Variants in DPYD observed in about 807,000 individuals in gnomAD.
DPYD encodes dihydropyrimidine dehydrogenase.
Under a neutral mutation model 116.2 loss-of-function variants are expected in DPYD, and 109 were observed. The observed-to-expected ratio is 0.94, with a 90% confidence interval of 0.80 to 1.10. The LOEUF (loss-of-function observed/expected upper bound fraction) is 1.10, where lower values mean the gene tolerates loss of function less well. Ranked by LOEUF, DPYD falls within the 50% of genes least tolerant of loss-of-function variation. The pLI, the probability that DPYD is intolerant of heterozygous loss-of-function variation, is 0.00. For missense variants in DPYD, 1,302 were observed against 1,254.5 expected, an observed-to-expected ratio of 1.04 and a Z score of -0.57; for synonymous variants, 440 against 432.0, an observed-to-expected ratio of 1.02 and a Z score of -0.23.
intron 8 of DPYD, among the ~76,000 whole-genome samples, chr1:97,647,162 T>G (rs1658309548): frequency 6.6e-6 from 1 of 152,124 alleles, no homozygotes; most frequent in Non-Finnish European, 1.5e-5. Flanking sequence ...ATGCATTTTT[T>G]GATATGGCTG....
chr1:97,143,967 G>C (rs1338115855), intron 20 of DPYD, among the ~76,000 whole-genome samples: 1 of 152,112 alleles, frequency 6.6e-6, no homozygotes, highest in Non-Finnish European at 1.5e-5. Context: ...CCCAGTTACA[G>C]ACCTTCCGAA....
chr1:97,716,528 C>G (rs902670875), intron 5 of DPYD, among the ~76,000 whole-genome samples: 1 of 152,020 alleles, frequency 6.6e-6, no homozygotes, highest in Non-Finnish European at 1.5e-5. Flanking sequence ...TATTACAAAT[C>G]AGTGTGGAAA....
intron 14 of DPYD, among the ~76,000 whole-genome samples, chr1:97,411,494 A>G (rs1673990163): frequency 6.6e-6 from 1 of 152,040 alleles, no homozygotes; most frequent in South Asian, 2.1e-4. Context: ...TCCTGCTAAC[A>G]ATGAGCACCC....
At chr1:97,225,102 G>A (rs576699093) in intron 19 of DPYD, among the ~76,000 whole-genome samples, 1 of 150,950 alleles carries the variant, frequency 6.6e-6, no homozygotes, top group East Asian at 1.9e-4. Flanking sequence ...ATTTCCTTTG[G>A]GGATTTACCC....
chr1:97,419,170 A>G (rs537380982), intron 14 of DPYD, among the ~76,000 whole-genome samples: 12 of 151,956 alleles, frequency 7.9e-5, no homozygotes, highest in Non-Finnish European at 1.6e-4. Context: ...CCAAATCTCT[A>G]CCTCCTGGTG....
At position 97,488,824 on chromosome 1, in the gene DPYD, G is replaced by A. The variant is rs1361226634; in HGVS notation, c.1740+26902C>T. 3.3e-5 allele frequency among the ~76,000 whole-genome samples: 5 copies of A among 152,116 alleles called. No individual in the cohort carries two copies. The South Asian group carries it at 6.2e-4, about 19-fold the overall frequency. ...TTACCACCCTTTTCTTGGAAATTTC[G>A]GCATAATCTGCCACTTAATTTGGAT... is the stretch of plus-strand genomic sequence containing the variant. On this transcript the variant is annotated intron_variant, in intron 13 of 22. Transcript: ENST00000370192.
At chr1:97,511,716 C>A (rs1282556600) in intron 13 of DPYD, among the ~76,000 whole-genome samples, 1 of 151,822 alleles carries the variant, frequency 6.6e-6, no homozygotes, top group Non-Finnish European at 1.5e-5. Flanking sequence ...GTAGTATATT[C>A]CTTGTCACTA....
At chr1:97,520,028 T>C (rs1394864333) in intron 12 of DPYD, among the ~76,000 whole-genome samples, 1 of 152,196 alleles carries the variant, frequency 6.6e-6, no homozygotes, top group Non-Finnish European at 1.5e-5. Flanking sequence ...TCCCCATATT[T>C]TTCAGGAAAC....
At position 97,457,604 on chromosome 1, in the gene DPYD, T is replaced by C. The variant is rs549397416; in HGVS notation, c.1741-7381A>G. ...CACATGACTGGCATGTGGTATTTGATAAATAAATGTTTATTCATTCACCAA... is the reference window on the plus strand; with the variant it reads ...CACATGACTGGCATGTGGTATTTGACAAATAAATGTTTATTCATTCACCAA... On this transcript the variant is annotated intron_variant, in intron 13 of 22. Coordinates refer to ENST00000370192, the MANE Select transcript of DPYD (RefSeq NM_000110.4). 3.9e-5 allele frequency among the ~76,000 whole-genome samples: 6 copies of C among 152,250 alleles called. No individual in the cohort carries two copies. In the South Asian group the frequency reaches 1.2e-3, roughly 32 times the overall value.
At chr1:97,105,686 C>A (rs1651085430) in intron 20 of DPYD, among the ~76,000 whole-genome samples, 1 of 152,088 alleles carries the variant, frequency 6.6e-6, no homozygotes, top group African/African-American at 2.4e-5. Context: ...GTAAAGTCAG[C>A]TGACATGTGG....
intron 18 of DPYD, among the ~76,000 whole-genome samples, chr1:97,266,122 C>T (rs1664211782): frequency 6.6e-6 from 1 of 152,112 alleles, no homozygotes. Flanking sequence ...CTAAGTTTCA[C>T]AATAATTAGC....
At chr1:97,897,386 A>T (rs189201724) in intron 1 of DPYD, among the ~76,000 whole-genome samples, 1 of 151,690 alleles carries the variant, frequency 6.6e-6, no homozygotes, top group Non-Finnish European at 1.5e-5. Context: ...TGTTTTCTTT[A>T]TATTTCTTCT....
intron 8 of DPYD, among the ~76,000 whole-genome samples, chr1:97,633,622 T>C (rs1210735736): frequency 6.6e-6 from 1 of 152,110 alleles, no homozygotes; most frequent in African/African-American, 2.4e-5. Context: ...TCATAGGTTC[T>C]GTCAAGGGGG....
intron 3 of DPYD, among the ~76,000 whole-genome samples, chr1:97,751,450 G>GTATATATA (rs1557933110): frequency 0.015 from 505 of 33,156 alleles, 7 homozygotes; most frequent in South Asian, 0.051. Context: ...GTGTGTGTGT[G>GTATATATA]TGTGTGTGTG....
intron 18 of DPYD, among the ~76,000 whole-genome samples, chr1:97,292,722 G>GCGCACACA (rs374911665): frequency 1.3e-5 from 2 of 149,822 alleles, no homozygotes; most frequent in East Asian, 2.0e-4. Context: ...ACACGCGCGA[G>GCGCACACA]CACACACACA....
chr1:97,208,964 G>A lies in DPYD; in HGVS notation c.2443-15716C>T, dbSNP rs189125993. Among the ~76,000 whole-genome samples, 1,302 of 152,258 alleles carry A rather than the reference G, an allele frequency of 8.6e-3. 5 individuals carry two copies. The highest frequency in any genetic ancestry group is 0.014 in the Non-Finnish European group (935 of 68,008). On this transcript the variant is annotated intron_variant, in intron 19 of 22. Coordinates refer to ENST00000370192, the MANE Select transcript of DPYD (RefSeq NM_000110.4). The stretch of plus-strand genomic sequence containing the variant: ...GTGCAACTGGTGTCTTCTGAGGTGT[G>A]TGTGTGTGTGTTCCATATTGACTAA...
At chr1:97,485,542 GT>G (rs1443155752) in intron 13 of DPYD, among the ~76,000 whole-genome samples, 10 of 152,074 alleles carry the variant, frequency 6.6e-5, no homozygotes, top group Admixed American at 3.9e-4. Flanking sequence ...TATTTTCCAT[GT>G]CATTTAATAT....
At chr1:97,661,950 T>C (rs1217187413) in intron 8 of DPYD, among the ~76,000 whole-genome samples, 1 of 151,340 alleles carries the variant, frequency 6.6e-6, no homozygotes, top group Admixed American at 6.6e-5. Context: ...AAAAAGTATA[T>C]ATTTTCACAC....
At chr1:97,573,024 A>G (rs563522735) in intron 11 of DPYD, among the ~76,000 whole-genome samples, 1 of 152,146 alleles carries the variant, frequency 6.6e-6, no homozygotes. Flanking sequence ...CAGAAAACAA[A>G]AGAGTTAATT....
Sources: allele counts gnomAD v4.1 joint callset (sites outside exome capture counted in the v4.1 genomes callset), GRCh38; gene constraint gnomAD v4.1.1; transcripts MANE v1.5; gene names NCBI Gene and HGNC (gene_info 2026-07-23, HGNC 2026-07-21).